The following TSPEAR variants were observed in gnomAD, a reference collection of about 807,000 sequenced individuals.
TSPEAR encodes the protein thrombospondin-type laminin G domain and EAR repeat-containing protein.
A neutral mutation model predicts 71.6 loss-of-function variants in TSPEAR; 69 were observed. That is an observed-to-expected ratio of 0.96 (90% CI 0.79 to 1.18). The LOEUF is 1.18. Among genes scored for constraint, TSPEAR ranks in the 50% most tolerant of loss-of-function variants. The pLI, the probability that TSPEAR is intolerant of heterozygous loss-of-function variation, is 0.00. For synonymous variants in TSPEAR, 402 were observed against 387.2 expected (o/e 1.04, Z -0.45); for missense variants, 971 against 894.9 (o/e 1.09, Z -1.09).
chr21:44,568,946 G>A (rs1555922150), intron 1 of TSPEAR, among the ~76,000 whole-genome samples: 2 of 152,176 alleles, frequency 1.3e-5, no homozygotes, highest in Admixed American at 6.5e-5. Flanking sequence ...CCGGCATTGT[G>A]TAGGGAATGT....
Position 44,575,990 on chromosome 21 carries a change from C to T in TSPEAR, c.83-7985G>A, listed in dbSNP as rs374545883. On this transcript the variant is annotated intron_variant, in intron 1 of 11. Transcript: ENST00000323084. ...CATGAGCCCAGGGCCAGCGGACTGC[C>T]CAGAGCAGGATGGTCTGAGGAGTTT... is the stretch of plus-strand genomic sequence containing the variant. Among the ~76,000 whole-genome samples, 33 of 152,192 alleles carry T rather than the reference C, an allele frequency of 2.2e-4. 1 individual carries two copies. In the South Asian group the frequency reaches 6.5e-3, roughly 30 times the overall value.
chr21:44,543,790 T>C (rs587653602), intron 2 of TSPEAR, among the ~76,000 whole-genome samples: 7 of 152,314 alleles, frequency 4.6e-5, no homozygotes, highest in Admixed American at 1.3e-4. Flanking sequence ...GGAGAAAGCA[T>C]TGCCCTGTGG....
At chr21:44,594,677 G>T (rs1037765362) in intron 1 of TSPEAR, among the ~76,000 whole-genome samples, 1 of 152,078 alleles carries the variant, frequency 6.6e-6, no homozygotes, top group African/African-American at 2.4e-5. Flanking sequence ...CCTGGTCAGC[G>T]TGGAGCTCCT....
chr21:44,662,140 T>A (rs948151476), intron 1 of TSPEAR, among the ~76,000 whole-genome samples: 2 of 152,192 alleles, frequency 1.3e-5, no homozygotes, highest in African/African-American at 2.4e-5. Context: ...GCAAATTAAT[T>A]TATTAAATTA....
intron 1 of TSPEAR, chr21:44,575,456 G>T (rs782007342): frequency 2.6e-5 from 5 of 188,952 alleles, no homozygotes; most frequent in African/African-American, 7.1e-5. Flanking sequence ...TGTCCTTCAG[G>T]CCCCTGAGTG....
At chr21:44,658,060 C>T (rs782766110) in intron 1 of TSPEAR, 293 of 1,611,780 alleles carry the variant, frequency 1.8e-4, no homozygotes, top group Middle Eastern at 6.6e-4. Flanking sequence ...GCTATGTGCC[C>T]GTGAGCTGCC....
intron 1 of TSPEAR, among the ~76,000 whole-genome samples, chr21:44,689,836 CA>C (rs1987052782): frequency 6.7e-6 from 1 of 149,814 alleles, no homozygotes; most frequent in Non-Finnish European, 1.5e-5. Context: ...GTCTGAGTCC[CA>C]AAACTGAAGA....
At chr21:44,541,456 G>A (rs181650730) in intron 2 of TSPEAR, among the ~76,000 whole-genome samples, 92 of 152,288 alleles carry the variant, frequency 6.0e-4, no homozygotes, top group Admixed American at 2.7e-3. Context: ...ATCTCTGTTC[G>A]AAGGGGCCGG....
chr21:44,599,715 C>A (rs981575125), intron 1 of TSPEAR, among the ~76,000 whole-genome samples: 3 of 152,214 alleles, frequency 2.0e-5, no homozygotes, highest in African/African-American at 7.2e-5. Context: ...GATGTGGTGG[C>A]CAATTGGATA....
intron 1 of TSPEAR, among the ~76,000 whole-genome samples, chr21:44,660,609 T>G (rs1218603515): frequency 6.6e-6 from 1 of 152,226 alleles, no homozygotes; most frequent in African/African-American, 2.4e-5. Flanking sequence ...TAAGAAATTC[T>G]TAAAAAATTT....
intron 1 of TSPEAR, among the ~76,000 whole-genome samples, chr21:44,598,409 T>C (rs1980515379): frequency 6.6e-6 from 1 of 152,228 alleles, no homozygotes; most frequent in African/African-American, 2.4e-5. Context: ...ACCAGCCATA[T>C]GGGAGACACC....
At chr21:44,645,139 T>C (rs1984241770) in intron 1 of TSPEAR, among the ~76,000 whole-genome samples, 1 of 152,236 alleles carries the variant, frequency 6.6e-6, no homozygotes, top group African/African-American at 2.4e-5. Context: ...TCTTAAAATG[T>C]ATGTCCTAAA....
intron 2 of TSPEAR, chr21:44,539,923 C>T (rs782293977): frequency 5.8e-5 from 93 of 1,613,740 alleles, no homozygotes; most frequent in Middle Eastern, 1.7e-4. Flanking sequence ...AGCACGAGGG[C>T]GTGCAGGAGC....
intron 1 of TSPEAR, chr21:44,702,710 A>G (rs576729258): frequency 5.4e-6 from 8 of 1,490,550 alleles, no homozygotes; most frequent in Admixed American, 1.7e-5. Context: ...AGCTGCTGCC[A>G]CCCAGCCTCC....
At chr21:44,568,137 C>G in intron 1 of TSPEAR, 132 bp from the exon 2 acceptor site, 1 of 540,346 alleles carries the variant, frequency 1.9e-6, no homozygotes, top group Non-Finnish European at 2.9e-6. Flanking sequence ...GAGCTGTGAA[C>G]CAAGGTTATC....
intron 6 of TSPEAR, 79 bp downstream of exon 6, chr21:44,528,373 C>G: frequency 3.8e-6 from 6 of 1,588,354 alleles, no homozygotes; most frequent in Non-Finnish European, 5.1e-6. Context: ...GAGGTGCCCC[C>G]TCTCCTAGCC....
chr21:44,625,714 C>T lies in TSPEAR; in HGVS notation c.83-57709G>A, dbSNP rs142251234. On this transcript the variant is annotated intron_variant, in intron 1 of 11. Coordinates refer to ENST00000323084, the MANE Select transcript of TSPEAR (RefSeq NM_144991.3). ...GCTCTAATTTCTTCAGTGATGGGGACGGGGGAAGGAATGTGCAGGGCCACC... is the reference window on the plus strand; with the variant it reads ...GCTCTAATTTCTTCAGTGATGGGGATGGGGGAAGGAATGTGCAGGGCCACC... 6.6e-3 allele frequency among the ~76,000 whole-genome samples: 1,010 copies of T among 152,280 alleles called. 12 individuals carry two copies. Among genetic ancestry groups the T allele is most frequent in the African/African-American group, 0.022 (911 of 41,554 alleles).
At chr21:44,608,419 C>T (rs1019181162) in intron 1 of TSPEAR, among the ~76,000 whole-genome samples, 17 of 152,136 alleles carry the variant, frequency 1.1e-4, no homozygotes, top group Admixed American at 9.2e-4. Context: ...CACACGTGGA[C>T]GTTGGCAAAT....
In TSPEAR at chr21:44,533,837, G is replaced by C. The variant is rs1220231940; in HGVS notation, c.390C>G (p.Phe130Leu). The change falls in exon 3 of 12, where the codon TTC becomes TTG. Residue 130 changes from phenylalanine (F) to leucine (L), a missense_variant. By Grantham distance (22) the Phe-to-Leu change is conservative. Transcript: ENST00000323084. Reference protein sequence around the residue: ...GLRLSPAQLHFLFLREDTAGA... With the variant: ...GLRLSPAQLHLLFLREDTAGA... ...CGGCCGTGTCCTCGCGAAGGAACAG[G>C]AAGTGCAGCTGGGCAGGTGACAACC... is the stretch of plus-strand genomic sequence containing the variant. 4 of 1,612,572 alleles carry C rather than the reference G, an allele frequency of 2.5e-6. No individual in the cohort carries two copies. Among genetic ancestry groups the C allele is most frequent in the Non-Finnish European group, 3.4e-6 (4 of 1,179,918 alleles).
Sources: allele counts gnomAD v4.1 joint callset (sites outside exome capture counted in the v4.1 genomes callset), GRCh38; gene constraint gnomAD v4.1.1; transcripts MANE v1.5; gene names NCBI Gene and HGNC (gene_info 2026-07-23, HGNC 2026-07-21).